The following DLC1 variants were observed in gnomAD, a reference collection of about 807,000 sequenced individuals.
The protein encoded by DLC1 is DLC1 Rho GTPase activating protein.
Under a neutral mutation model 140.3 loss-of-function variants are expected in DLC1, and 54 were observed. That is an observed-to-expected ratio of 0.38 (90% CI 0.31 to 0.48). DLC1 has a LOEUF of 0.48. Ranked by LOEUF, DLC1 falls within the 20% of genes least tolerant of loss-of-function variation. The pLI is 0.96. For missense variants in DLC1, 2,536 were observed against 1,907.0 expected (o/e 1.33, Z -6.14); for synonymous variants, 986 against 728.1 (o/e 1.35, Z -5.70).
chr8:13,290,331 T>C (rs999329919), intron 5 of DLC1, among the ~76,000 whole-genome samples: 3 of 152,172 alleles, frequency 2.0e-5, no homozygotes, highest in Non-Finnish European at 4.4e-5. Context: ...TTAATATTTA[T>C]GGTTACTAAG....
intron 5 of DLC1, among the ~76,000 whole-genome samples, chr8:13,280,691 T>C (rs1159560658): frequency 6.6e-6 from 1 of 152,214 alleles, no homozygotes; most frequent in Non-Finnish European, 1.5e-5. Flanking sequence ...TAAATCCACT[T>C]TGGTCTTATG....
chr8:13,269,600 G>T (rs1586042851), intron 5 of DLC1, among the ~76,000 whole-genome samples: 1 of 151,036 alleles, frequency 6.6e-6, no homozygotes, highest in African/African-American at 2.4e-5. Flanking sequence ...CTGCTGAGGG[G>T]AGGCTGAGGC....
chr8:13,376,248 T>A (rs1326727306), intron 4 of DLC1, among the ~76,000 whole-genome samples: 1 of 152,138 alleles, frequency 6.6e-6, no homozygotes, highest in Non-Finnish European at 1.5e-5. Context: ...CATACAGCAA[T>A]GCATGCAGTT....
At chr8:13,306,558 TTGTG>T (rs33946205) in intron 4 of DLC1, among the ~76,000 whole-genome samples, 163 of 142,908 alleles carry the variant, frequency 1.1e-3, no homozygotes, top group African/African-American at 1.5e-3. Flanking sequence ...GTGTGTGTGT[TTGTG>T]TGTGTGTGTG....
Position 13,558,933 on chromosome 8 carries a change from A to G in DLC1, c.-126+45604T>C, listed in dbSNP as rs548129035. On this transcript the variant is annotated intron_variant, in intron 1 of 1. Coordinates refer to the DLC1 transcript ENST00000631382. ...AATGATTGGCTTTAGGGGATGCTGC[A>G]TTGAAAAGGCAGACAAAACAAAACA... 5 of 152,376 alleles carry G rather than the reference A, an allele frequency of 3.3e-5. No individual in the cohort carries two copies. The East Asian group carries it at 9.6e-4, about 29-fold the overall frequency. The allele number at this position is 152,376 out of a possible 1,614,324, so 9.4% of individuals were successfully genotyped here.
At chr8:13,199,469 C>T (rs1827254355) in intron 5 of DLC1, among the ~76,000 whole-genome samples, 1 of 152,164 alleles carries the variant, frequency 6.6e-6, no homozygotes, top group East Asian at 1.9e-4. Context: ...GCTTGAGCCA[C>T]TGGGCCCCGC....
intron 5 of DLC1, among the ~76,000 whole-genome samples, chr8:13,251,194 C>T (rs1829989378): frequency 6.6e-6 from 1 of 152,164 alleles, no homozygotes; most frequent in Non-Finnish European, 1.5e-5. Context: ...AGGGCCCCAC[C>T]CTTATGACCT....
intron 5 of DLC1, among the ~76,000 whole-genome samples, chr8:13,253,285 A>C (rs1245983882): frequency 6.6e-6 from 1 of 152,224 alleles, no homozygotes; most frequent in Non-Finnish European, 1.5e-5. Flanking sequence ...TGTTCTTGGT[A>C]ATTTTCTTTG....
At chr8:13,454,680 A>T (rs1456093350) in intron 2 of DLC1, among the ~76,000 whole-genome samples, 1 of 152,120 alleles carries the variant, frequency 6.6e-6, no homozygotes, top group Non-Finnish European at 1.5e-5. Context: ...TCAGCTGGCC[A>T]AGTAGCTGGA....
At chr8:13,368,774 A>G (rs1835603423) in intron 4 of DLC1, among the ~76,000 whole-genome samples, 1 of 152,126 alleles carries the variant, frequency 6.6e-6, no homozygotes, top group African/African-American at 2.4e-5. Flanking sequence ...AGTAAGGATA[A>G]GTGATATGGA....
At chr8:13,275,744 G>A (rs1016351511) in intron 5 of DLC1, among the ~76,000 whole-genome samples, 1 of 152,142 alleles carries the variant, frequency 6.6e-6, no homozygotes, top group Non-Finnish European at 1.5e-5. Context: ...TTGGAACCGA[G>A]AGTAGCTCCA....
At chr8:13,139,700 A>C (rs923088833) in intron 5 of DLC1, among the ~76,000 whole-genome samples, 1 of 152,248 alleles carries the variant, frequency 6.6e-6, no homozygotes, top group Admixed American at 6.5e-5. Flanking sequence ...CCTGCCAGAA[A>C]ATGAACCCAA....
intron 1 of DLC1, among the ~76,000 whole-genome samples, chr8:13,588,558 T>C (rs1319338293): frequency 6.6e-6 from 1 of 151,994 alleles, no homozygotes. Flanking sequence ...TGTTTAAAAC[T>C]CCCAATTTTA....
intron 1 of DLC1, among the ~76,000 whole-genome samples, chr8:13,531,362 G>C (rs1480988923): frequency 2.6e-5 from 4 of 152,138 alleles, no homozygotes; most frequent in African/African-American, 7.2e-5. Flanking sequence ...AAGGCGGGCG[G>C]ATCACCTGAA....
chr8:13,273,024 A>G lies in DLC1; in HGVS notation c.1348+32245T>C, dbSNP rs74302480. ...TTGAATACTTTGATAACTGTATTTC[A>G]CTATCATTGGTTTCCTCTATAATTC... is the stretch of plus-strand genomic sequence containing the variant. On this transcript the variant is annotated intron_variant, in intron 5 of 17. Transcript: ENST00000276297. 1.4e-3 allele frequency among the ~76,000 whole-genome samples: 213 copies of G among 152,336 alleles called. 2 individuals carry two copies. In the East Asian group the frequency reaches 0.029, roughly 20 times the overall value.
chr8:13,550,845 C>T (rs1314942902), intron 1 of DLC1, among the ~76,000 whole-genome samples: 1 of 151,968 alleles, frequency 6.6e-6, no homozygotes, highest in Non-Finnish European at 1.5e-5. Context: ...AAGTATCTTC[C>T]TTAGAACAGT....
chr8:13,511,414 C>T (rs80146514), intron 1 of DLC1, among the ~76,000 whole-genome samples: 3,305 of 152,006 alleles, frequency 0.022, 120 homozygotes, highest in African/African-American at 0.07. Flanking sequence ...TCTTTTTTAA[C>T]TGGGCCTCAA....
At chr8:13,091,520 GA>G (rs893895323) in intron 13 of DLC1, 88 bp from the exon 14 acceptor site, 77 of 1,222,358 alleles carry the variant, frequency 6.3e-5, no homozygotes, top group Admixed American at 1.1e-4. Flanking sequence ...AAAGAAGAGA[GA>G]AAAAAAAATT....
chr8:13,091,089 T>G (rs1818028492), intron 14 of DLC1, among the ~76,000 whole-genome samples: 1 of 152,182 alleles, frequency 6.6e-6, no homozygotes. Context: ...ATTACAGGCG[T>G]GAGCCACTGC....
Sources: gnomAD v4.1 joint callset for allele counts (sites outside exome capture counted in the v4.1 genomes callset) on GRCh38, gnomAD v4.1.1 for gene constraint, MANE v1.5 for transcripts, NCBI Gene and HGNC (gene_info 2026-07-23, HGNC 2026-07-21) for gene names.